Variants in CA10 observed in about 807,000 individuals in gnomAD.
The protein encoded by CA10 is carbonic anhydrase-related protein 10.
A neutral mutation model predicts 44.2 loss-of-function variants in CA10; 14 were observed. The observed-to-expected ratio is 0.32, with a 90% CI of 0.21 to 0.50. The LOEUF is 0.50. Among genes scored for constraint, CA10 ranks in the 20% least tolerant of loss-of-function variants. The pLI, the probability that CA10 is intolerant of heterozygous loss-of-function variation, is 0.99. For synonymous variants in CA10, 159 were observed against 141.6 expected (o/e 1.12, Z -0.87); for missense variants, 350 against 409.7 (o/e 0.85, Z 1.26).
intron 3 of CA10, among the ~76,000 whole-genome samples, chr17:51,764,774 T>C (rs1442106190): frequency 1.3e-5 from 2 of 152,216 alleles, no homozygotes. Flanking sequence ...AGTGGCTGCC[T>C]CAGCACATTT....
Position 52,147,373 on chromosome 17 carries a change from C to A in CA10, c.61+10353G>T, listed in dbSNP as rs756475028. Among the ~76,000 whole-genome samples, 149 of 151,976 alleles carry A rather than the reference C, an allele frequency of 9.8e-4. 1 individual carries two copies. The highest frequency in any genetic ancestry group is 1.6e-3 in the Non-Finnish European group (108 of 67,976). ...TGGATACGTAATTGGCCTAAACAAC[C>A]AAGGCATAAACACAACTCTCATTCA... is the stretch of plus-strand genomic sequence containing the variant. On this transcript the variant is annotated intron_variant, in intron 1 of 8. Coordinates refer to ENST00000451037, the MANE Select transcript of CA10 (RefSeq NM_020178.5).
intron 2 of CA10, among the ~76,000 whole-genome samples, chr17:51,991,534 A>G (rs1985039316): frequency 6.6e-6 from 1 of 152,094 alleles, no homozygotes; most frequent in South Asian, 2.1e-4. Flanking sequence ...GTTAAGCCAA[A>G]CGTGGTGGCT....
chr17:51,806,949 G>A (rs1400678686), intron 3 of CA10, among the ~76,000 whole-genome samples: 2 of 152,178 alleles, frequency 1.3e-5, no homozygotes, highest in Non-Finnish European at 2.9e-5. Context: ...TCTTGTTGAA[G>A]GAAGCTAAGG....
At chr17:51,666,117 T>C (rs1028081418) in intron 4 of CA10, among the ~76,000 whole-genome samples, 1 of 152,246 alleles carries the variant, frequency 6.6e-6, no homozygotes, top group African/African-American at 2.4e-5. Context: ...CACTCATTGA[T>C]TCTTCCAACA....
At chr17:51,944,153 G>T (rs9910201) in intron 2 of CA10, among the ~76,000 whole-genome samples, 20,434 of 152,204 alleles carry the variant, frequency 0.13, 1,726 homozygotes, top group South Asian at 0.31. Context: ...ATAGAAAGGG[G>T]ATTTCCCAAT....
At chr17:51,989,667 T>C (rs1984972087) in intron 2 of CA10, among the ~76,000 whole-genome samples, 1 of 152,064 alleles carries the variant, frequency 6.6e-6, no homozygotes, top group Non-Finnish European at 1.5e-5. Flanking sequence ...TGGATGGAGT[T>C]GGAGGCCATT....
chr17:51,973,826 GAAAAT>G (rs1397032468), intron 2 of CA10, among the ~76,000 whole-genome samples: 4 of 152,156 alleles, frequency 2.6e-5, no homozygotes, highest in African/African-American at 4.8e-5. Flanking sequence ...ATGTACATCA[GAAAAT>G]AAAATAACTA....
At position 52,158,072 on chromosome 17, in the gene CA10, T is replaced by G; in HGVS notation, c.-286A>C. On this transcript the variant is annotated 5_prime_UTR_variant, in exon 1 of 9. Transcript: ENST00000451037. ...TCTCCCCGCTCGCGTGTCTCTTCTCTTCGCACCAGCGGCGGAAACCGCACT... is the reference window on the plus strand; with the variant it reads ...TCTCCCCGCTCGCGTGTCTCTTCTCGTCGCACCAGCGGCGGAAACCGCACT... 1.9e-6 allele frequency: 1 copy of G among 523,762 alleles called. No individual in the cohort carries two copies. Among genetic ancestry groups the G allele is most frequent in the Non-Finnish European group, 3.4e-6 (1 of 292,696 alleles). 32.4% of individuals were successfully genotyped at this position (523,762 alleles called of 1,614,324 possible). A position where few individuals can be genotyped will look rare whatever the true frequency, so the allele number is the denominator to read the frequency against.
At chr17:52,017,058 T>G (rs1438719670) in intron 2 of CA10, among the ~76,000 whole-genome samples, 2 of 152,098 alleles carry the variant, frequency 1.3e-5, no homozygotes, top group East Asian at 3.9e-4. Flanking sequence ...CAGATGCTGG[T>G]GAGATGCTTT....
intron 4 of CA10, 43 bp downstream of exon 4, chr17:51,747,590 A>G (rs897073516): frequency 3.3e-6 from 5 of 1,509,730 alleles, no homozygotes; most frequent in African/African-American, 1.4e-5. Flanking sequence ...ACCCAATCTT[A>G]TAAGTTGACA....
chr17:51,900,855 A>G (rs1981282721), intron 3 of CA10, among the ~76,000 whole-genome samples: 1 of 152,150 alleles, frequency 6.6e-6, no homozygotes, highest in Non-Finnish European at 1.5e-5. Flanking sequence ...TTTCAGCTCT[A>G]TCAGATCAAT....
chr17:51,932,508 A>G (rs1379299990), intron 2 of CA10, among the ~76,000 whole-genome samples: 1 of 152,180 alleles, frequency 6.6e-6, no homozygotes, highest in Non-Finnish European at 1.5e-5. Context: ...CTTGGCCTAG[A>G]CAAACACTTC....
chr17:51,672,709 C>G (rs1490993636), intron 4 of CA10, among the ~76,000 whole-genome samples: 1 of 152,180 alleles, frequency 6.6e-6, no homozygotes, highest in Non-Finnish European at 1.5e-5. Context: ...AGAGTCCTCT[C>G]CAGTGTCTCA....
chr17:52,109,108 A>C (rs961134239), intron 1 of CA10, among the ~76,000 whole-genome samples: 2 of 152,216 alleles, frequency 1.3e-5, no homozygotes, highest in African/African-American at 4.8e-5. Context: ...TAAGTTTATT[A>C]CAACAGCAAC....
At chr17:51,883,987 A>G (rs1438669303) in intron 3 of CA10, among the ~76,000 whole-genome samples, 1 of 152,208 alleles carries the variant, frequency 6.6e-6, no homozygotes, top group Non-Finnish European at 1.5e-5. Flanking sequence ...AAAATGATAA[A>G]GGATAACTTC....
At chr17:51,701,975 G>A (rs1915619852) in intron 4 of CA10, among the ~76,000 whole-genome samples, 1 of 152,150 alleles carries the variant, frequency 6.6e-6, no homozygotes, top group South Asian at 2.1e-4. Context: ...TTACCCAGAT[G>A]TCACAAATGC....
At chr17:51,890,318 T>A (rs1274068797) in intron 3 of CA10, among the ~76,000 whole-genome samples, 1 of 152,152 alleles carries the variant, frequency 6.6e-6, no homozygotes, top group Admixed American at 6.5e-5. Flanking sequence ...TCTGCAGATG[T>A]TGGGCTTCAG....
chr17:51,982,564 T>G (rs1455219199), intron 2 of CA10, among the ~76,000 whole-genome samples: 1 of 151,956 alleles, frequency 6.6e-6, no homozygotes, highest in Non-Finnish European at 1.5e-5. Context: ...TGAACTAATT[T>G]GTAACTGCAA....
chr17:52,133,943 G>T (rs1164337119), intron 1 of CA10, among the ~76,000 whole-genome samples: 3 of 152,140 alleles, frequency 2.0e-5, no homozygotes, highest in Non-Finnish European at 2.9e-5. Context: ...GCATGCGAGG[G>T]GAGGCAGGAA....
Sources: allele counts gnomAD v4.1 joint callset (sites outside exome capture counted in the v4.1 genomes callset), GRCh38; gene constraint gnomAD v4.1.1; transcripts MANE v1.5; gene names NCBI Gene and HGNC (gene_info 2026-07-23, HGNC 2026-07-21).